DAB1: variants seen among roughly 807,000 people sequenced by gnomAD.
The protein encoded by DAB1 is disabled homolog 1.
Under a neutral mutation model 64.6 loss-of-function variants are expected in DAB1, and 15 were observed. That is an observed-to-expected ratio of 0.23 (90% CI 0.16 to 0.36). The LOEUF is 0.36. DAB1 is among the 10% of genes least tolerant of loss of function. DAB1 has a pLI of 1.00. For missense variants in DAB1, 596 were observed against 706.7 expected (o/e 0.84, Z 1.78); for synonymous variants, 235 against 251.9 (o/e 0.93, Z 0.64).
intron 1 of DAB1, among the ~76,000 whole-genome samples, chr1:57,302,767 C>T (rs1222118929): frequency 6.6e-6 from 1 of 152,138 alleles, no homozygotes; most frequent in African/African-American, 2.4e-5. Flanking sequence ...CTGCACCCAG[C>T]TTGGCACAAG....
intron 7 of DAB1, among the ~76,000 whole-genome samples, chr1:57,595,274 T>TA (rs767564462): frequency 9.9e-5 from 15 of 151,984 alleles, no homozygotes; most frequent in South Asian, 2.1e-4. Context: ...AGATTTTTTT[T>TA]AGATTCTAAA....
intron 1 of DAB1, among the ~76,000 whole-genome samples, chr1:57,858,404 C>A (rs1475979278): frequency 6.6e-6 from 1 of 152,066 alleles, no homozygotes; most frequent in East Asian, 1.9e-4. Context: ...GAATGCCACA[C>A]CACTTTTCTT....
chr1:57,619,285 G>A (rs979754190), intron 7 of DAB1, among the ~76,000 whole-genome samples: 1 of 152,142 alleles, frequency 6.6e-6, no homozygotes, highest in Admixed American at 6.6e-5. Flanking sequence ...ATCAGGTGAG[G>A]AATAAAGAGA....
chr1:57,042,360 A>T (rs1332546065), intron 9 of DAB1, among the ~76,000 whole-genome samples: 1 of 152,210 alleles, frequency 6.6e-6, no homozygotes, highest in African/African-American at 2.4e-5. Flanking sequence ...GCCTTGGCAT[A>T]AGACCTTTCC....
intron 4 of DAB1, among the ~76,000 whole-genome samples, chr1:57,128,292 C>A (rs974593156): frequency 7.9e-5 from 12 of 152,052 alleles, no homozygotes; most frequent in African/African-American, 2.9e-4. Context: ...GAGCAGTGAA[C>A]AAAGGATAAA....
intron 5 of DAB1, among the ~76,000 whole-genome samples, chr1:58,077,081 C>T (rs1282437729): frequency 1.3e-5 from 2 of 152,204 alleles, no homozygotes; most frequent in African/African-American, 4.8e-5. Flanking sequence ...GGGGTTGAGG[C>T]AGGCAGGGGC....
At chr1:58,235,776 A>G (rs72667963) in intron 4 of DAB1, among the ~76,000 whole-genome samples, 6,274 of 152,268 alleles carry the variant, frequency 0.041, 228 homozygotes, top group South Asian at 0.12. Flanking sequence ...TAAAGGGCTA[A>G]TTGGGCAGCT....
In DAB1 at chr1:57,072,064, TAA is replaced by T. The variant is rs71800606; in HGVS notation, c.438+217_438+218del. On this transcript the variant is annotated intron_variant, in intron 5 of 14. Transcript: ENST00000371236. ...TAGTCATTAGGAAATACCCATTAGT[TAA>T]AAAAAAAAAAAAAAACAGAAAAAAC... is the stretch of plus-strand genomic sequence containing the variant. Among the ~76,000 whole-genome samples the T allele has an allele frequency of 0.22, 30,564 of 139,230 alleles. 3,563 individuals carry two copies. The highest frequency in any genetic ancestry group is 0.3 in the Middle Eastern group (80 of 266). The allele number at this position is 139,230 out of a possible 152,430, so 91.3% of individuals were successfully genotyped here.
chr1:57,134,077 A>C (rs1490749696), intron 4 of DAB1, among the ~76,000 whole-genome samples: 1 of 152,176 alleles, frequency 6.6e-6, no homozygotes. Flanking sequence ...GACTTTCTTC[A>C]ACAATATCTC....
chr1:57,705,442 A>T (rs1570754653), intron 6 of DAB1, among the ~76,000 whole-genome samples: 1 of 152,282 alleles, frequency 6.6e-6, no homozygotes, highest in Admixed American at 6.5e-5. Context: ...TTGCTTTAAC[A>T]GTTTGTACTT....
intron 2 of DAB1, among the ~76,000 whole-genome samples, chr1:58,524,240 T>C (rs1359067725): frequency 6.6e-6 from 1 of 152,226 alleles, no homozygotes; most frequent in Non-Finnish European, 1.5e-5. Context: ...ATTAAAAACC[T>C]GTTCCGGCAG....
rs867548268 is a variant in DAB1 at position 57,690,651 on chromosome 1, G to A, written n.552-40986C>T. On this transcript the variant is annotated intron_variant and non_coding_transcript_variant, in intron 6 of 20. Coordinates refer to the DAB1 transcript ENST00000485760. ...GCAGTGCAATAATGGACTAATATAG[G>A]TATATACCCAGCAGTGAGATCACTG... is the stretch of plus-strand genomic sequence containing the variant. Among the ~76,000 whole-genome samples the A allele has an allele frequency of 2.6e-5, 4 of 152,148 alleles. No individual in the cohort carries two copies. The South Asian group carries it at 8.3e-4, about 32-fold the overall frequency.
chr1:57,412,618 G>C (rs1570475542), intron 1 of DAB1, among the ~76,000 whole-genome samples: 1 of 152,222 alleles, frequency 6.6e-6, no homozygotes. Flanking sequence ...GGTGTGGATA[G>C]ATGAAACAAG....
chr1:57,071,487 C>T (rs1436588690), intron 6 of DAB1, 35 bp downstream of exon 6: 10 of 1,593,240 alleles, frequency 6.3e-6, no homozygotes, highest in African/African-American at 4.1e-5. Context: ...TTTGAAGGCC[C>T]GATCTCCAGC....
At chr1:58,001,441 C>T (rs573530735) in intron 5 of DAB1, among the ~76,000 whole-genome samples, 7 of 152,022 alleles carry the variant, frequency 4.6e-5, no homozygotes, top group African/African-American at 1.7e-4. Flanking sequence ...TGTATTTTTA[C>T]TGGAGATGGG....
At chr1:57,121,889 T>C (rs1292439885) in intron 4 of DAB1, among the ~76,000 whole-genome samples, 1 of 151,924 alleles carries the variant, frequency 6.6e-6, no homozygotes, top group Admixed American at 6.6e-5. Context: ...TCTGCACATG[T>C]ATCCAAAACT....
At chr1:58,260,883 C>T (rs1041756858) in intron 4 of DAB1, among the ~76,000 whole-genome samples, 5 of 152,098 alleles carry the variant, frequency 3.3e-5, no homozygotes, top group Non-Finnish European at 7.3e-5. Flanking sequence ...TGTCATTATC[C>T]CTTTGCTTCC....
chr1:57,566,737 A>G (rs968678801), intron 7 of DAB1, among the ~76,000 whole-genome samples: 2 of 152,168 alleles, frequency 1.3e-5, no homozygotes, highest in African/African-American at 4.8e-5. Flanking sequence ...AAGAAGTTAA[A>G]TCCCTGAATA....
chr1:58,335,503 C>CTCGGTGCTCCACAAATTGCAG (rs1553175987), intron 4 of DAB1, among the ~76,000 whole-genome samples: 3 of 151,010 alleles, frequency 2.0e-5, no homozygotes, highest in Non-Finnish European at 4.4e-5. Flanking sequence ...CATTGCACAA[C>CTCGGTGCTCCACAAATTGCAG]TCGGTGCTCC....
Sources: allele counts gnomAD v4.1 joint callset (sites outside exome capture counted in the v4.1 genomes callset), GRCh38; gene constraint gnomAD v4.1.1; transcripts MANE v1.5; gene names NCBI Gene and HGNC (gene_info 2026-07-23, HGNC 2026-07-21).